TRPM6: variants seen among roughly 807,000 people sequenced by gnomAD.
TRPM6 encodes the protein transient receptor potential cation channel subfamily M member 6.
TRPM6 carries 111 observed loss-of-function variants against 247.6 expected under a neutral mutation model. The observed-to-expected ratio is 0.45, with a 90% CI of 0.38 to 0.52. The LOEUF is 0.52. Ranked by LOEUF, TRPM6 falls within the 20% of genes least tolerant of loss-of-function variation. The pLI, the probability that TRPM6 is intolerant of heterozygous loss-of-function variation, is 0.00. For synonymous variants in TRPM6, 892 were observed against 853.8 expected (o/e 1.04, Z -0.78); for missense variants, 2,126 against 2,421.5 (o/e 0.88, Z 2.56).
chr9:74,747,547 C>A (rs1245775459), intron 31 of TRPM6, among the ~76,000 whole-genome samples: 3 of 152,134 alleles, frequency 2.0e-5, no homozygotes, highest in Non-Finnish European at 2.9e-5. Flanking sequence ...ACCCATATAA[C>A]AATCTTATAA....
At chr9:74,761,438 G>A (rs1334473769) in intron 27 of TRPM6, among the ~76,000 whole-genome samples, 3 of 152,174 alleles carry the variant, frequency 2.0e-5, no homozygotes, top group Non-Finnish European at 4.4e-5. Context: ...ATCTGGGTGT[G>A]GTTGTGTATG....
chr9:74,803,234 AT>A (rs1828407381), intron 15 of TRPM6, among the ~76,000 whole-genome samples: 1 of 152,204 alleles, frequency 6.6e-6, no homozygotes, highest in South Asian at 2.1e-4. Flanking sequence ...GAGCAAAAGC[AT>A]TTATTCTCAG....
In TRPM6 at chr9:74,792,671, CT is replaced by C; in HGVS notation, c.2490del (p.Val831SerfsTer72). 1 of 1,614,148 alleles carries C rather than the reference CT, an allele frequency of 6.2e-7. No individual in the cohort carries two copies. Among genetic ancestry groups the C allele is most frequent in the Non-Finnish European group, 8.5e-7 (1 of 1,180,018 alleles). On this transcript the variant is annotated frameshift_variant, in exon 19 of 39. Transcript: ENST00000360774. LOFTEE classifies it high-confidence loss of function. ...ATTGGAGCACTGTAGAACTCATAGA[CT>C]TTCCTGGTCCACGGAAGGTGTTGGT... Reference protein sequence around the residue: ...SGHQHLPWTRKVYEFYSAPIV... With the variant: ...SGHQHLPWTRXVYEFYSAPIV...
chr9:74,746,478 G>A (rs879258150), intron 31 of TRPM6, among the ~76,000 whole-genome samples: 2 of 152,142 alleles, frequency 1.3e-5, no homozygotes, highest in Non-Finnish European at 2.9e-5. Context: ...ATGTTACTAT[G>A]TGGTCAGTCA....
chr9:74,730,866 A>G (rs1351988730), intron 37 of TRPM6, among the ~76,000 whole-genome samples: 2 of 152,210 alleles, frequency 1.3e-5, no homozygotes, highest in East Asian at 3.9e-4. Flanking sequence ...GGGTAACCCC[A>G]CAAAACCAGG....
chr9:74,879,137 G>T (rs920683563), intron 1 of TRPM6, among the ~76,000 whole-genome samples: 2 of 151,246 alleles, frequency 1.3e-5, no homozygotes, highest in African/African-American at 4.9e-5. Context: ...CATTAAAAAA[G>T]AACCAAAAGA....
intron 19 of TRPM6, among the ~76,000 whole-genome samples, chr9:74,789,212 G>T (rs1249314799): frequency 6.6e-6 from 1 of 152,144 alleles, no homozygotes; most frequent in East Asian, 1.9e-4. Flanking sequence ...ATTTTATGTT[G>T]ATTAAAATAC....
In TRPM6 at chr9:74,771,841, G is replaced by GAA. The variant is rs1827055452; in HGVS notation, c.3404-8_3404-7dup. The GAA allele has an allele frequency of 6.2e-7, 1 of 1,613,290 alleles. No homozygotes were observed. ...CTCCTTACTGAGGTAGAGTTCTATA[G>GAA]AAATAAGTATGAAACACAGAAAGAA... On this transcript the variant is annotated splice_region_variant and splice_polypyrimidine_tract_variant and intron_variant, in intron 24 of 38. Coordinates refer to ENST00000360774, the MANE Select transcript of TRPM6 (RefSeq NM_017662.5).
intron 23 of TRPM6, 104 bp from the exon 24 acceptor site, chr9:74,776,180 G>C (rs769084809): frequency 2.0e-6 from 2 of 979,180 alleles, no homozygotes; most frequent in South Asian, 2.6e-5. Context: ...TGACATTACC[G>C]GCAGTTACCC....
intron 11 of TRPM6, among the ~76,000 whole-genome samples, chr9:74,814,679 T>C (rs976772650): frequency 3.3e-5 from 5 of 151,994 alleles, no homozygotes; most frequent in Admixed American, 3.3e-4. Flanking sequence ...AAAATTAAAG[T>C]TGAGGCTCAG....
intron 9 of TRPM6, 129 bp from the exon 10 acceptor site, chr9:74,817,093 T>C: frequency 1.1e-6 from 1 of 917,094 alleles, no homozygotes; most frequent in South Asian, 1.4e-5. Context: ...AACCTTTTTT[T>C]ACTTACAGGA....
chr9:74,863,146 A>G lies in TRPM6; in HGVS notation c.34-4398T>C, dbSNP rs192902727. Among the ~76,000 whole-genome samples the G allele has an allele frequency of 2.7e-3, 409 of 150,958 alleles. 2 individuals carry two copies. The highest frequency in any genetic ancestry group is 6.3e-3 in the South Asian group (30 of 4,768). On this transcript the variant is annotated intron_variant, in intron 1 of 38. Coordinates refer to ENST00000360774, the MANE Select transcript of TRPM6 (RefSeq NM_017662.5). ...ACTGCAACCTCTGCCTCCCAGGTTC[A>G]AGTGATTCTCCTGCCTCAGTCTCCC...
At chr9:74,732,542 T>C (rs1282089289) in intron 37 of TRPM6, 143 bp downstream of exon 37, 2 of 572,736 alleles carry the variant, frequency 3.5e-6, no homozygotes, top group South Asian at 4.9e-5. Flanking sequence ...TATAATCTTA[T>C]TGTTTTTGGT....
chr9:74,782,571 C>T, intron 22 of TRPM6, 95 bp from the exon 23 acceptor site: 1 of 1,484,800 alleles, frequency 6.7e-7, no homozygotes, highest in South Asian at 1.1e-5. Context: ...CACAGAATAC[C>T]ATAAATTCAA....
At position 74,762,254 on chromosome 9, in the gene TRPM6, G is replaced by A; in HGVS notation, c.4417C>T (p.Gln1473Ter). ...TCACAAGTGGAGGGCAAGCAGGTTT[G>A]CCACTTTTTCTTGATGCTAAACACA... ...TGVFSIKKKW[Q>*]TCLPSTCDSD... Residue 1473 changes from glutamine to a stop codon, truncating the protein, a stop_gained, in exon 26 of 39, where the codon CAA becomes TAA. Transcript: ENST00000360774. LOFTEE classifies it high-confidence loss of function. The A allele has an allele frequency of 1.2e-6, 2 of 1,614,184 alleles. No individual in the cohort carries two copies. The highest frequency in any genetic ancestry group is 2.2e-5 in the South Asian group (2 of 91,076).
At chr9:74,767,069 G>A (rs1826852294) in intron 25 of TRPM6, among the ~76,000 whole-genome samples, 1 of 152,040 alleles carries the variant, frequency 6.6e-6, no homozygotes, top group Non-Finnish European at 1.5e-5. Flanking sequence ...TTTCTTTTGG[G>A]GTTTCCTAGA....
At chr9:74,873,896 T>C (rs572836346) in intron 1 of TRPM6, among the ~76,000 whole-genome samples, 74 of 151,940 alleles carry the variant, frequency 4.9e-4, no homozygotes, top group African/African-American at 1.6e-3. Context: ...TCAAAATAAC[T>C]GATTCCCCTA....
intron 25 of TRPM6, among the ~76,000 whole-genome samples, chr9:74,767,847 G>A (rs1826879768): frequency 6.6e-6 from 1 of 152,112 alleles, no homozygotes; most frequent in Admixed American, 6.5e-5. Context: ...ATGGTAGCAT[G>A]TGCCTGTAGT....
intron 6 of TRPM6, among the ~76,000 whole-genome samples, chr9:74,832,834 T>C (rs1052907739): frequency 6.6e-6 from 1 of 152,176 alleles, no homozygotes; most frequent in African/African-American, 2.4e-5. Flanking sequence ...GCAGATCATC[T>C]GAGGTCAGGA....
Sources: allele counts gnomAD v4.1 joint callset (sites outside exome capture counted in the v4.1 genomes callset), GRCh38; gene constraint gnomAD v4.1.1; transcripts MANE v1.5; gene names NCBI Gene and HGNC (gene_info 2026-07-23, HGNC 2026-07-21).